CACNA2D1: variants seen among roughly 807,000 people sequenced by gnomAD.
CACNA2D1 encodes the protein voltage-dependent calcium channel subunit alpha-2/delta-1.
Under a neutral mutation model 171.5 loss-of-function variants are expected in CACNA2D1, and 53 were observed. The observed-to-expected ratio is 0.31, with a 90% CI of 0.25 to 0.39. The LOEUF is 0.39. Among genes scored for constraint, CACNA2D1 ranks in the 10% least tolerant of loss-of-function variants. The pLI is 1.00. For synonymous variants in CACNA2D1, 442 were observed against 443.1 expected (o/e 1.00, Z 0.03); for missense variants, 903 against 1,299.8 (o/e 0.69, Z 4.69).
intron 6 of CACNA2D1, among the ~76,000 whole-genome samples, chr7:82,092,856 T>G (rs181878914): frequency 7.2e-5 from 11 of 152,156 alleles, no homozygotes; most frequent in African/African-American, 2.4e-4. Context: ...GATCTTTCAT[T>G]TAGACCTTAA....
intron 4 of CACNA2D1, among the ~76,000 whole-genome samples, chr7:82,146,045 G>A (rs1470820337): frequency 6.6e-6 from 1 of 151,814 alleles, no homozygotes; most frequent in East Asian, 1.9e-4. Flanking sequence ...TATGGTGCCT[G>A]TAAATTAAAG....
chr7:82,082,064 C>A (rs775190364), intron 7 of CACNA2D1, among the ~76,000 whole-genome samples: 1 of 152,170 alleles, frequency 6.6e-6, no homozygotes, highest in Non-Finnish European at 1.5e-5. Context: ...CTAATTAGTT[C>A]TTTAAGTCCC....
At chr7:82,163,678 C>A (rs1300545931) in intron 4 of CACNA2D1, among the ~76,000 whole-genome samples, 1 of 151,990 alleles carries the variant, frequency 6.6e-6, no homozygotes. Flanking sequence ...GGGGCACTCA[C>A]CCCATTTTTG....
intron 3 of CACNA2D1, among the ~76,000 whole-genome samples, chr7:82,231,771 C>A (rs574606883): frequency 6.6e-6 from 1 of 151,934 alleles, no homozygotes; most frequent in East Asian, 1.9e-4. Flanking sequence ...CACTGTAGCC[C>A]GATAAATGTT....
At chr7:82,405,988 C>T (rs1826991178) in intron 1 of CACNA2D1, among the ~76,000 whole-genome samples, 1 of 152,056 alleles carries the variant, frequency 6.6e-6, no homozygotes, top group South Asian at 2.1e-4. Flanking sequence ...GTGCTGCACC[C>T]ATTAACTCGT....
chr7:82,340,428 C>G lies in CACNA2D1; in HGVS notation c.178-5177G>C, dbSNP rs376599862. The stretch of plus-strand genomic sequence containing the variant: ...TTAAGCAATCCTCCTTCCTCAGCCT[C>G]CCAAAGCGCTGGGATTACAGGCGTG... On this transcript the variant is annotated intron_variant, in intron 2 of 38. Transcript: ENST00000356860. Among the ~76,000 whole-genome samples, 7 of 151,754 alleles carry G rather than the reference C, an allele frequency of 4.6e-5. No homozygotes were observed. The South Asian group carries it at 1.5e-3, about 32-fold the overall frequency.
Position 82,105,452 on chromosome 7 carries a change from C to T in CACNA2D1, c.526+11592G>A, listed in dbSNP as rs1288812610. ...TTGAGGTGGAGCTGAAAATTTATGA[C>T]GGTCACAAATTAAATTATTCTGGAA... is the stretch of plus-strand genomic sequence containing the variant. On this transcript the variant is annotated intron_variant, in intron 6 of 38. Coordinates refer to ENST00000356860, the MANE Select transcript of CACNA2D1 (RefSeq NM_000722.4). Among the ~76,000 whole-genome samples the T allele has an allele frequency of 1.0e-4, 13 of 126,542 alleles. 1 individual carries two copies. Among genetic ancestry groups the T allele is most frequent in the Middle Eastern group, 7.5e-3 (1 of 134 alleles). The allele number at this position is 126,542 out of a possible 152,430, so 83.0% of individuals were successfully genotyped here.
chr7:82,339,912 CTAGA>C (rs1412750120), intron 2 of CACNA2D1, among the ~76,000 whole-genome samples: 6 of 152,240 alleles, frequency 3.9e-5, no homozygotes, highest in Middle Eastern at 3.4e-3. Flanking sequence ...GAAGATTACC[CTAGA>C]TAGTCAGAGT....
intron 4 of CACNA2D1, among the ~76,000 whole-genome samples, chr7:82,141,497 C>G (rs1792379892): frequency 6.6e-6 from 1 of 152,108 alleles, no homozygotes; most frequent in Admixed American, 6.5e-5. Flanking sequence ...AGACTTTGTA[C>G]AGGGAGATTT....
At chr7:82,275,617 G>A (rs935276334) in intron 3 of CACNA2D1, among the ~76,000 whole-genome samples, 1 of 151,948 alleles carries the variant, frequency 6.6e-6, no homozygotes, top group Non-Finnish European at 1.5e-5. Flanking sequence ...GCTTTACACT[G>A]TCATTTCCAC....
intron 3 of CACNA2D1, among the ~76,000 whole-genome samples, chr7:82,190,509 T>A (rs1292912679): frequency 6.6e-6 from 1 of 151,716 alleles, no homozygotes; most frequent in African/African-American, 2.4e-5. Flanking sequence ...ATATGAAACA[T>A]CACCATATAT....
intron 4 of CACNA2D1, among the ~76,000 whole-genome samples, chr7:82,156,762 T>A (rs561081460): frequency 1.3e-5 from 2 of 152,100 alleles, no homozygotes; most frequent in East Asian, 3.9e-4. Context: ...AGATTTAACT[T>A]TTTCTTGAGT....
chr7:82,389,161 T>TAC (rs1203419809), intron 1 of CACNA2D1, among the ~76,000 whole-genome samples: 77 of 142,318 alleles, frequency 5.4e-4, no homozygotes, highest in Middle Eastern at 3.8e-3. Flanking sequence ...TATATATATA[T>TAC]ATATACACAC....
rs932080938 is a variant in CACNA2D1, at chr7:82,099,422, CTTTTTTTTTTTTTTTTTTTTTTTTTTTTT to C, written c.527-14551_527-14523del. Among the ~76,000 whole-genome samples the C allele has an allele frequency of 1.6e-3, 63 of 40,292 alleles. 7 individuals are homozygous for C. In the East Asian group the frequency reaches 0.037, roughly 23 times the overall value. The allele number at this position is 40,292 out of a possible 152,430, so 26.4% of individuals were successfully genotyped here. A position where few individuals can be genotyped will look rare whatever the true frequency, so the allele number is the denominator to read the frequency against. On this transcript the variant is annotated intron_variant, in intron 6 of 38. Transcript: ENST00000356860. ...ACTCTAAAACAGGTAGCAATACCTT[CTTTTTTTTTTTTTTTTTTTTTTTTTTTTT>C]TTTTTTTTTTTTTTTTGAGACGGAG...
intron 1 of CACNA2D1, among the ~76,000 whole-genome samples, chr7:82,391,596 T>C (rs1043818803): frequency 6.6e-6 from 1 of 152,190 alleles, no homozygotes; most frequent in African/African-American, 2.4e-5. Context: ...AACAATACAA[T>C]TTTTTTGTCT....
chr7:81,982,836 A>G (rs1399231422), intron 23 of CACNA2D1: 1 of 630,316 alleles, frequency 1.6e-6, no homozygotes, highest in East Asian at 2.9e-5. Context: ...ACTTCATAAC[A>G]TGGATCCCCA....
At chr7:82,423,777 A>C (rs1038565651) in intron 1 of CACNA2D1, among the ~76,000 whole-genome samples, 1 of 152,142 alleles carries the variant, frequency 6.6e-6, no homozygotes, top group African/African-American at 2.4e-5. Context: ...TGAAAACGGT[A>C]ATTTAGTTAT....
intron 1 of CACNA2D1, among the ~76,000 whole-genome samples, chr7:82,401,180 A>G (rs2129451798): frequency 6.6e-6 from 1 of 152,318 alleles, no homozygotes; most frequent in East Asian, 1.9e-4. Context: ...TAGAAATACC[A>G]TTTGACGAAG....
At chr7:82,208,190 GT>G (rs1179357431) in intron 3 of CACNA2D1, among the ~76,000 whole-genome samples, 1 of 151,972 alleles carries the variant, frequency 6.6e-6, no homozygotes, top group South Asian at 2.1e-4. Flanking sequence ...CCTTAAAATT[GT>G]TTTTTACCTT....
Sources: allele counts gnomAD v4.1 joint callset (sites outside exome capture counted in the v4.1 genomes callset), GRCh38; gene constraint gnomAD v4.1.1; transcripts MANE v1.5; gene names NCBI Gene and HGNC (gene_info 2026-07-23, HGNC 2026-07-21).